The following BCAS3 variants were observed in gnomAD, a reference collection of about 807,000 sequenced individuals.
The protein encoded by BCAS3 is BCAS3 microtubule associated cell migration factor.
A neutral mutation model predicts 116.1 loss-of-function variants in BCAS3; 53 were observed. The ratio of observed to expected loss-of-function variants is 0.46; its 90% CI spans 0.37 to 0.57. The LOEUF (loss-of-function observed/expected upper bound fraction) is 0.57, where lower values mean the gene tolerates loss of function less well. BCAS3 is among the 20% of genes least tolerant of loss of function. The pLI, the probability that BCAS3 is intolerant of heterozygous loss-of-function variation, is 0.00. For missense variants in BCAS3, 917 were observed against 1,165.4 expected (o/e 0.79, Z 3.10); for synonymous variants, 391 against 408.2 (o/e 0.96, Z 0.51).
At chr17:60,805,554 G>A (rs1249751183) in intron 6 of BCAS3, among the ~76,000 whole-genome samples, 3 of 152,128 alleles carry the variant, frequency 2.0e-5, no homozygotes, top group African/African-American at 4.8e-5. Context: ...GCGGCTGGGC[G>A]CGGTGGCTCA....
chr17:60,784,699 G>A (rs1286945242), intron 6 of BCAS3, among the ~76,000 whole-genome samples: 1 of 151,554 alleles, frequency 6.6e-6, no homozygotes. Context: ...ATTCTTTCAA[G>A]TAACTGGGAT....
intron 22 of BCAS3, among the ~76,000 whole-genome samples, chr17:61,338,803 A>T (rs1028139700): frequency 1.3e-5 from 2 of 149,128 alleles, no homozygotes; most frequent in Admixed American, 6.9e-5. Flanking sequence ...TTCCCCTGTG[A>T]CACTGAAAAG....
intron 22 of BCAS3, among the ~76,000 whole-genome samples, chr17:61,193,078 G>A (rs559080203): frequency 1.1e-3 from 162 of 152,010 alleles, no homozygotes; most frequent in African/African-American, 3.5e-3. Context: ...GCTGGCCAAC[G>A]TGGCAAAACC....
intron 22 of BCAS3, among the ~76,000 whole-genome samples, chr17:61,269,914 G>A (rs1011567045): frequency 2.7e-5 from 4 of 148,868 alleles, no homozygotes; most frequent in African/African-American, 9.9e-5. Context: ...AACGATTCTT[G>A]TGCCTCAGTC....
intron 19 of BCAS3, chr17:61,069,841 A>G (rs1355267293): frequency 1.2e-6 from 1 of 836,698 alleles, no homozygotes; most frequent in Non-Finnish European, 2.0e-6. Context: ...GTGTAAAAAA[A>G]AAAAAAAAAA....
At chr17:61,123,636 G>T (rs1206596861) in intron 22 of BCAS3, among the ~76,000 whole-genome samples, 1 of 151,452 alleles carries the variant, frequency 6.6e-6, no homozygotes, top group East Asian at 1.9e-4. Flanking sequence ...TTGGGGGGGA[G>T]TGGGGGTACT....
chr17:60,702,155 T>C (rs1238716401), intron 4 of BCAS3, among the ~76,000 whole-genome samples: 3 of 152,238 alleles, frequency 2.0e-5, no homozygotes, highest in Non-Finnish European at 2.9e-5. Context: ...TGTAGTTGAA[T>C]TGAATGCAAT....
chr17:61,112,162 G>A (rs2143744771), intron 22 of BCAS3, among the ~76,000 whole-genome samples: 1 of 24,354 alleles, frequency 4.1e-5, no homozygotes, highest in Non-Finnish European at 1.1e-4. Flanking sequence ...TCGAGACTAG[G>A]AAGAAACTGC....
In BCAS3 at chr17:61,171,937, G is replaced by A. The variant is rs1352767780; in HGVS notation, c.2425+87373G>A. ...TGTGAGCCACCATACCCAGCAAACAGGAAGCTTTAAAAAGCAGGAATGGCT... is the reference window on the plus strand; with the variant it reads ...TGTGAGCCACCATACCCAGCAAACAAGAAGCTTTAAAAAGCAGGAATGGCT... On this transcript the variant is annotated intron_variant, in intron 22 of 23. Coordinates refer to ENST00000407086, the MANE Select transcript of BCAS3 (RefSeq NM_017679.5). This position sits in a 1 kb window ranked among gnomAD's most constrained non-coding sequence, Gnocchi z 4.1. 6.6e-6 allele frequency among the ~76,000 whole-genome samples: 1 copy of A among 151,966 alleles called. No individual in the cohort carries two copies. Among genetic ancestry groups the A allele is most frequent in the Admixed American group, 6.6e-5 (1 of 15,252 alleles).
At chr17:61,072,439 A>T (rs1210488462) in intron 19 of BCAS3, among the ~76,000 whole-genome samples, 1 of 152,132 alleles carries the variant, frequency 6.6e-6, no homozygotes, top group Non-Finnish European at 1.5e-5. Context: ...ATAAGTGTCC[A>T]GCCATTCTAG....
At chr17:60,697,472 A>G (rs2035745810) in intron 4 of BCAS3, among the ~76,000 whole-genome samples, 1 of 151,708 alleles carries the variant, frequency 6.6e-6, no homozygotes, top group African/African-American at 2.4e-5. Flanking sequence ...AATCCCAGCT[A>G]CTTGGGAGGC....
chr17:61,351,612 A>G (rs957083240), intron 22 of BCAS3, among the ~76,000 whole-genome samples: 1 of 152,240 alleles, frequency 6.6e-6, no homozygotes. Context: ...GTTAGGACAT[A>G]CTAGAGCTAG....
At chr17:61,127,497 A>AT (rs1171695778) in intron 22 of BCAS3, among the ~76,000 whole-genome samples, 7 of 152,076 alleles carry the variant, frequency 4.6e-5, no homozygotes, top group Non-Finnish European at 7.4e-5. Flanking sequence ...CACTAGCTGT[A>AT]TTTTTTTAAA....
intron 5 of BCAS3, among the ~76,000 whole-genome samples, chr17:60,746,265 C>T (rs1339439364): frequency 1.3e-5 from 2 of 152,088 alleles, no homozygotes; most frequent in African/African-American, 2.4e-5. Context: ...TCCCCTTCCC[C>T]ACCTCCTCCA....
rs748764842 is a variant in BCAS3, at chr17:61,083,936, C to T, written c.2328-531C>T. The stretch of plus-strand genomic sequence containing the variant: ...GGTAGCTCAGTTAGTAGTGACCCAC[C>T]CCGGCCACAGTACATCTTTGTTATC... On this transcript the variant is annotated intron_variant, in intron 21 of 23. Transcript: ENST00000407086. This position sits in a 1 kb window ranked among gnomAD's most constrained non-coding sequence, Gnocchi z 4.9. Among the ~76,000 whole-genome samples the T allele has an allele frequency of 3.3e-5, 5 of 152,080 alleles. No individual in the cohort carries two copies. Among genetic ancestry groups the T allele is most frequent in the Admixed American group, 2.0e-4 (3 of 15,270 alleles).
At chr17:61,293,217 A>G (rs1433645392) in intron 22 of BCAS3, among the ~76,000 whole-genome samples, 2 of 152,182 alleles carry the variant, frequency 1.3e-5, no homozygotes, top group African/African-American at 4.8e-5. Context: ...TTTGGGAACA[A>G]ATGGAGGGAA....
At chr17:61,074,113 G>GAAAAAAAAAAAAAAAAAAAAAATAA in intron 19 of BCAS3, among the ~76,000 whole-genome samples, 1 of 61,230 alleles carries the variant, frequency 1.6e-5, no homozygotes, top group Non-Finnish European at 3.8e-5. Context: ...TATCTCTTAA[G>GAAAAAAAAAAAAAAAAAAAAAATAA]AAAAAAAAAA....
intron 6 of BCAS3, among the ~76,000 whole-genome samples, chr17:60,747,944 G>C (rs1439499904): frequency 6.6e-6 from 1 of 151,090 alleles, no homozygotes; most frequent in Non-Finnish European, 1.5e-5. Flanking sequence ...GCTAAATAAC[G>C]CCTGACTCCT....
chr17:61,033,707 G>A (rs548549608), intron 16 of BCAS3, among the ~76,000 whole-genome samples: 2 of 152,302 alleles, frequency 1.3e-5, no homozygotes, highest in South Asian at 2.1e-4. Context: ...ACCAGTGCAC[G>A]ATGAGGCTAC....
Sources: gnomAD v4.1 joint callset for allele counts (sites outside exome capture counted in the v4.1 genomes callset) on GRCh38, gnomAD v4.1.1 for gene constraint, Gnocchi (gnomAD v3.1) non-coding constraint, MANE v1.5 for transcripts, NCBI Gene and HGNC (gene_info 2026-07-23, HGNC 2026-07-21) for gene names.